The following KMT2A variants were observed in gnomAD, a reference collection of about 807,000 sequenced individuals.
KMT2A encodes lysine methyltransferase 2A, also known as histone-lysine N-methyltransferase 2A.
A neutral mutation model predicts 345.3 loss-of-function variants in KMT2A; 16 were observed. The observed-to-expected ratio is 0.05, with a 90% confidence interval of 0.03 to 0.07. KMT2A has a LOEUF of 0.07. KMT2A is among the 10% of genes least tolerant of loss of function. The pLI is 1.00. For missense variants in KMT2A, 3,272 were observed against 4,841.6 expected (o/e 0.68, Z 9.62); for synonymous variants, 1,599 against 1,778.6 (o/e 0.90, Z 2.54).
chr11:118,477,742 G>A (rs1424066977), intron 4 of KMT2A, among the ~76,000 whole-genome samples: 1 of 151,638 alleles, frequency 6.6e-6, no homozygotes, highest in East Asian at 1.9e-4. Flanking sequence ...CCTGACCTCA[G>A]GTGATCTGCC....
chr11:118,516,811 C>T (rs966051360), intron 31 of KMT2A, among the ~76,000 whole-genome samples: 14 of 152,184 alleles, frequency 9.2e-5, no homozygotes, highest in African/African-American at 3.1e-4. Flanking sequence ...CTGCACATTG[C>T]ATGGTTTGTA....
chr11:118,524,846 C>T lies in KMT2A; in HGVS notation c.*2674C>T, dbSNP rs547463710. On this transcript the variant is annotated 3_prime_UTR_variant, in exon 36 of 36. Coordinates refer to ENST00000534358, the MANE Select transcript of KMT2A (RefSeq NM_001197104.2). ...CAGCTAAATAGACCTAGTTACTGCCCTGCTAGGCCATGCTGTACTGTGAGC... is the reference window on the plus strand; with the variant it reads ...CAGCTAAATAGACCTAGTTACTGCCTTGCTAGGCCATGCTGTACTGTGAGC... 1 of 187,968 alleles carries T rather than the reference C, an allele frequency of 5.3e-6. No individual in the cohort carries two copies. The highest frequency in any genetic ancestry group is 2.3e-5 in the African/African-American group (1 of 42,762). The allele number at this position is 187,968 out of a possible 1,614,324, so 11.6% of individuals were successfully genotyped here.
In KMT2A at chr11:118,499,322, T is replaced by A; in HGVS notation, c.5981T>A (p.Phe1994Tyr). 1 of 1,613,390 alleles carries A rather than the reference T, an allele frequency of 6.2e-7. No homozygotes were observed. The highest frequency in any genetic ancestry group is 2.2e-5 in the East Asian group (1 of 44,878). ...IKGEVVPENG[F>Y]EVFRRVFVDF... ...TTTAAGGTGGTTCCTGAGAATGGAT[T>A]TGAAGTTTTCAGAAGAGTGTTTGTG... The change falls in exon 23 of 36, where the codon TTT becomes TAT. Residue 1994 changes from phenylalanine to tyrosine, a missense_variant. Coordinates refer to ENST00000534358, the MANE Select transcript of KMT2A (RefSeq NM_001197104.2).
At chr11:118,518,312 A>G (rs1173632015) in intron 31 of KMT2A, among the ~76,000 whole-genome samples, 1 of 152,218 alleles carries the variant, frequency 6.6e-6, no homozygotes, top group African/African-American at 2.4e-5. Flanking sequence ...TTCACCATCA[A>G]TGCCAGCAGA....
intron 1 of KMT2A, among the ~76,000 whole-genome samples, chr11:118,466,157 C>G (rs1440047140): frequency 6.6e-6 from 1 of 151,592 alleles, no homozygotes; most frequent in Non-Finnish European, 1.5e-5. Context: ...CATAGTGAGA[C>G]CCCGTCTCTG....
At chr11:118,483,212 A>G (rs1950168694) in intron 8 of KMT2A, among the ~76,000 whole-genome samples, 2 of 142,646 alleles carry the variant, frequency 1.4e-5, no homozygotes, top group African/African-American at 5.3e-5. Flanking sequence ...TAGCCTGGAC[A>G]ACAGAGCTAG....
chr11:118,490,351 T>C lies in KMT2A; in HGVS notation c.4696+102T>C. ...ATGAAATAAAAAGTCTCACACATTA[T>C]GTCAAGGATACCATTTAGACACATT... On this transcript the variant is annotated intron_variant, in intron 13 of 35. Coordinates refer to ENST00000534358, the MANE Select transcript of KMT2A (RefSeq NM_001197104.2). This position sits in a 1 kb window ranked among gnomAD's most constrained non-coding sequence, Gnocchi z 4.2. 8.2e-7 allele frequency: 1 copy of C among 1,224,806 alleles called. No homozygotes were observed. Among genetic ancestry groups the C allele is most frequent in the South Asian group, 1.8e-5 (1 of 56,506 alleles). The allele number at this position is 1,224,806 out of a possible 1,614,324, so 75.9% of individuals were successfully genotyped here. A position where few individuals can be genotyped will look rare whatever the true frequency, so the allele number is the denominator to read the frequency against.
At chr11:118,456,393 C>T (rs1174241819) in intron 1 of KMT2A, among the ~76,000 whole-genome samples, 1 of 151,654 alleles carries the variant, frequency 6.6e-6, no homozygotes, top group Non-Finnish European at 1.5e-5. Flanking sequence ...GGCTGGAGTG[C>T]AATGGCGTGA....
chr11:118,512,317 CA>C (rs1425693861), intron 31 of KMT2A: 9 of 418,454 alleles, frequency 2.2e-5, no homozygotes, highest in African/African-American at 1.8e-4. Flanking sequence ...CTGGCCACCA[CA>C]AATCTACTTT....
intron 1 of KMT2A, among the ~76,000 whole-genome samples, chr11:118,447,359 A>G (rs1949443984): frequency 6.6e-6 from 1 of 152,182 alleles, no homozygotes; most frequent in South Asian, 2.1e-4. Context: ...ATGTCCATAC[A>G]ACTTTTAGGA....
rs566136013 is a variant in KMT2A, at chr11:118,438,609, C to G, written c.432+1665C>G. ...TCTGCCGTTGGTGCACACAAAATATCCTGGGCAAACCCCTTGTCCCCTATT... is the reference window on the plus strand; with the variant it reads ...TCTGCCGTTGGTGCACACAAAATATGCTGGGCAAACCCCTTGTCCCCTATT... On this transcript the variant is annotated intron_variant, in intron 1 of 35. Coordinates refer to ENST00000534358, the MANE Select transcript of KMT2A (RefSeq NM_001197104.2). 2.0e-5 allele frequency among the ~76,000 whole-genome samples: 3 copies of G among 152,254 alleles called. No homozygotes were observed. The East Asian group carries it at 5.8e-4, about 29-fold the overall frequency.
chr11:118,438,590 G>C (rs1555139357), intron 1 of KMT2A, among the ~76,000 whole-genome samples: 1 of 152,084 alleles, frequency 6.6e-6, no homozygotes, highest in East Asian at 1.9e-4. Context: ...GTGCTCTGCC[G>C]TTGGTGCACA....
intron 31 of KMT2A, among the ~76,000 whole-genome samples, chr11:118,513,757 C>T (rs1254580342): frequency 2.0e-5 from 3 of 150,710 alleles, no homozygotes; most frequent in Non-Finnish European, 4.4e-5. Flanking sequence ...AGAGTGAGAC[C>T]TCATCTCTAT....
chr11:118,471,601 A>T, intron 2 of KMT2A, 61 bp from the exon 3 acceptor site: 3 of 1,175,232 alleles, frequency 2.6e-6, no homozygotes, highest in South Asian at 1.6e-5. Flanking sequence ...TATTCAGCTT[A>T]GTTAAAACCT....
At position 118,495,826 on chromosome 11, in the gene KMT2A, C is replaced by A. The variant is rs1555043824; in HGVS notation, c.5490C>A (p.Pro1830=). Residue 1830 remains proline (P), a synonymous_variant, in exon 19 of 36, where the codon CCC becomes CCA. Transcript: ENST00000534358. This position sits in a 1 kb window ranked among gnomAD's most constrained non-coding sequence, Gnocchi z 4.1. ...TAATGAAGAAAATCATTCCAGCTCC[C>A]AAACCCAAAGGTCCTGGAGAACCAG... ...PPLMKKIIPA[P]KPKGPGEPDS... 1 of 1,613,984 alleles carries A rather than the reference C, an allele frequency of 6.2e-7. No homozygotes were observed. Among genetic ancestry groups the A allele is most frequent in the Non-Finnish European group, 8.5e-7 (1 of 1,180,020 alleles).
Position 118,496,164 on chromosome 11 carries a change from G to A in KMT2A, c.5558-97G>A, listed in dbSNP as rs1335185116. The A allele has an allele frequency of 3.2e-6, 3 of 947,286 alleles. No individual in the cohort carries two copies. Among genetic ancestry groups the A allele is most frequent in the Non-Finnish European group, 3.4e-6 (2 of 588,484 alleles). 58.7% of individuals were successfully genotyped at this position (947,286 alleles called of 1,614,324 possible). On this transcript the variant is annotated intron_variant, in intron 19 of 35. Transcript: ENST00000534358. This position sits in a 1 kb window ranked among gnomAD's most constrained non-coding sequence, Gnocchi z 4.7. ...GGTTATTTTATAGGCTGTGGGCTAT[G>A]TAAGCTGAATTATTTCTTTTTTCCT... is the stretch of plus-strand genomic sequence containing the variant.
At chr11:118,499,622 T>TA (rs549344499) in intron 23 of KMT2A, among the ~76,000 whole-genome samples, 5 of 147,114 alleles carry the variant, frequency 3.4e-5, no homozygotes, top group South Asian at 4.2e-4. Context: ...CTGTCTCTAC[T>TA]AAAAAAAATT....
chr11:118,476,875 C>T lies in KMT2A; in HGVS notation c.3227C>T (p.Ala1076Val). The T allele has an allele frequency of 6.2e-7, 1 of 1,614,218 alleles. No homozygotes were observed. ...PRIKHVCRRA[A>V]VALGRKRAVF... ...ATTAAACATGTCTGCAGAAGAGCAG[C>T]TGTTGCCCTTGGCCGAAAACGAGCT... Residue 1076 changes from alanine to valine, a missense_variant, in exon 4 of 36, where the codon GCT becomes GTT. This residue lies in a region of KMT2A where 6 missense variants were observed against 54.1 expected (regional missense o/e 0.11). Coordinates refer to ENST00000534358, the MANE Select transcript of KMT2A (RefSeq NM_001197104.2). The surrounding 1 kb of genome is among the most constrained non-coding windows in gnomAD (Gnocchi z 4.1).
chr11:118,463,858 C>T (rs1329969890), intron 1 of KMT2A, among the ~76,000 whole-genome samples: 1 of 152,168 alleles, frequency 6.6e-6, no homozygotes. Context: ...CATAACATAT[C>T]TGAACAGGAT....
Sources: allele counts gnomAD v4.1 joint callset (sites outside exome capture counted in the v4.1 genomes callset), GRCh38; gene constraint gnomAD v4.1.1; regional missense constraint gnomAD v4.1.1; non-coding constraint Gnocchi (gnomAD v3.1); transcripts MANE v1.5; gene names NCBI Gene and HGNC (gene_info 2026-07-23, HGNC 2026-07-21).